The following PHF21B variants were observed in gnomAD, a reference collection of about 807,000 sequenced individuals.
PHF21B encodes PHD finger protein 21B, also known as PHD finger protein 4.
PHF21B carries 22 observed loss-of-function variants against 62.2 expected under a neutral mutation model. That is an observed-to-expected ratio of 0.35 (90% CI 0.25 to 0.51). The LOEUF (loss-of-function observed/expected upper bound fraction) is 0.51, where lower values mean the gene tolerates loss of function less well. Ranked by LOEUF, PHF21B falls within the 20% of genes least tolerant of loss-of-function variation. The pLI is 0.97. For missense variants in PHF21B, 701 were observed against 707.9 expected (o/e 0.99, Z 0.11); for synonymous variants, 341 against 314.7 (o/e 1.08, Z -0.88).
intron 2 of PHF21B, among the ~76,000 whole-genome samples, chr22:44,959,290 C>T (rs2072369495): frequency 6.6e-6 from 1 of 152,174 alleles, no homozygotes; most frequent in Admixed American, 6.5e-5. Flanking sequence ...TTTGCCCCGA[C>T]CCATCTTCTC....
intron 1 of PHF21B, 115 bp from the exon 2 acceptor site, chr22:45,008,725 G>T: frequency 8.6e-7 from 1 of 1,165,044 alleles, no homozygotes; most frequent in Non-Finnish European, 1.1e-6. Flanking sequence ...CGGCCGCAGC[G>T]CACCCCAAGT....
At position 44,922,209 on chromosome 22, in the gene PHF21B, T is replaced by C. The variant is rs553460363; in HGVS notation, c.121-1719A>G. On this transcript the variant is annotated intron_variant, in intron 2 of 12. Coordinates refer to ENST00000313237, the MANE Select transcript of PHF21B (RefSeq NM_138415.5). ...GCAGGGCTGCTTTGCCATTTGAAAG[T>C]CAGTCTGTGTAATTTGCTAAAATAA... Among the ~76,000 whole-genome samples the C allele has an allele frequency of 3.9e-5, 6 of 152,326 alleles. No homozygotes were observed. In the East Asian group the frequency reaches 1.2e-3, roughly 29 times the overall value.
At chr22:44,950,927 C>T (rs2072180730) in intron 2 of PHF21B, among the ~76,000 whole-genome samples, 1 of 152,088 alleles carries the variant, frequency 6.6e-6, no homozygotes, top group African/African-American at 2.4e-5. Context: ...GAGACACGTG[C>T]TGAGTGTGGG....
chr22:44,931,973 C>A (rs1252060804), intron 2 of PHF21B, among the ~76,000 whole-genome samples: 1 of 152,164 alleles, frequency 6.6e-6, no homozygotes, highest in Non-Finnish European at 1.5e-5. Flanking sequence ...AGGGGCTGGA[C>A]AGGAGGGACA....
intron 2 of PHF21B, among the ~76,000 whole-genome samples, chr22:44,993,143 G>A (rs1397530907): frequency 1.3e-5 from 2 of 152,172 alleles, no homozygotes; most frequent in African/African-American, 4.8e-5. Context: ...CTCAGGGTGG[G>A]GCCAGCATCT....
At chr22:44,901,910 GCCTAGATATTCT>G (rs2071166656) in intron 5 of PHF21B, 1 of 237,420 alleles carries the variant, frequency 4.2e-6, no homozygotes. Flanking sequence ...TTCACAAAAT[GCCTAGATATTCT>G]CCTACTGAAG....
At chr22:44,914,770 C>T (rs933308089) in intron 4 of PHF21B, among the ~76,000 whole-genome samples, 2 of 152,178 alleles carry the variant, frequency 1.3e-5, no homozygotes, top group Non-Finnish European at 2.9e-5. Context: ...CAGCCTGCCT[C>T]GAGGCTCAGG....
At chr22:44,972,241 T>C (rs1009005133) in intron 2 of PHF21B, among the ~76,000 whole-genome samples, 1 of 152,262 alleles carries the variant, frequency 6.6e-6, no homozygotes, top group African/African-American at 2.4e-5. Context: ...TTCCCAGACC[T>C]GATCGCTTTG....
At chr22:44,901,718 C>G in intron 5 of PHF21B, 1 of 405,038 alleles carries the variant, frequency 2.5e-6, no homozygotes, top group East Asian at 5.0e-5. Flanking sequence ...AAGCTGAAAT[C>G]CCATCCTTGT....
At chr22:44,973,786 T>C (rs753713979) in intron 2 of PHF21B, among the ~76,000 whole-genome samples, 1 of 152,016 alleles carries the variant, frequency 6.6e-6, no homozygotes, top group Non-Finnish European at 1.5e-5. Context: ...GAGAGGAAAG[T>C]GTGGCTCTTG....
intron 2 of PHF21B, among the ~76,000 whole-genome samples, chr22:44,975,823 C>G (rs1232557638): frequency 6.6e-6 from 1 of 152,228 alleles, no homozygotes; most frequent in Non-Finnish European, 1.5e-5. Flanking sequence ...GGGCGCTGGT[C>G]AGTTTTGCTT....
chr22:44,923,467 A>G (rs1211145339), intron 2 of PHF21B, among the ~76,000 whole-genome samples: 1 of 152,210 alleles, frequency 6.6e-6, no homozygotes, highest in Non-Finnish European at 1.5e-5. Flanking sequence ...AGAATCTTAG[A>G]TACAACACCA....
intron 2 of PHF21B, among the ~76,000 whole-genome samples, chr22:44,939,512 G>C (rs2071914267): frequency 6.6e-6 from 1 of 152,238 alleles, no homozygotes; most frequent in Non-Finnish European, 1.5e-5. Flanking sequence ...GGGGGCGGCA[G>C]AGGGGGCTCA....
At chr22:44,982,418 T>A (rs1287349403) in intron 2 of PHF21B, among the ~76,000 whole-genome samples, 1 of 152,104 alleles carries the variant, frequency 6.6e-6, no homozygotes, top group Non-Finnish European at 1.5e-5. Context: ...ACCAAACCCT[T>A]CCACAGATGA....
intron 2 of PHF21B, among the ~76,000 whole-genome samples, chr22:44,934,326 C>T (rs758705359): frequency 1.9e-4 from 29 of 152,240 alleles, no homozygotes; most frequent in Non-Finnish European, 2.9e-4. Flanking sequence ...CCGCACGCGA[C>T]CTAAGACAAG....
chr22:44,959,615 T>C (rs2072376776), intron 2 of PHF21B, among the ~76,000 whole-genome samples: 1 of 152,166 alleles, frequency 6.6e-6, no homozygotes, highest in South Asian at 2.1e-4. Context: ...TGGCAGGTCA[T>C]TCAAGATGCA....
At chr22:44,982,185 T>C (rs1393961667) in intron 2 of PHF21B, among the ~76,000 whole-genome samples, 1 of 152,176 alleles carries the variant, frequency 6.6e-6, no homozygotes, top group African/African-American at 2.4e-5. Flanking sequence ...TTTTTTCAGA[T>C]GAGGGGAACC....
At chr22:44,893,828 G>A (rs1021906524) in intron 6 of PHF21B, among the ~76,000 whole-genome samples, 2 of 152,230 alleles carry the variant, frequency 1.3e-5, no homozygotes, top group African/African-American at 4.8e-5. Flanking sequence ...GTCCCTATCT[G>A]GCCCATGGCC....
In PHF21B at chr22:44,916,073, A is replaced by G. The variant is rs528349741; in HGVS notation, c.564+207T>C. Among the ~76,000 whole-genome samples the G allele has an allele frequency of 5.3e-5, 8 of 152,210 alleles. No individual in the cohort carries two copies. In the South Asian group the frequency reaches 1.7e-3, roughly 32 times the overall value. ...TATTCATTCATTTGTTCATGCACTA[A>G]TTCACTCCCTTAATCATGTGTTCAT... On this transcript the variant is annotated intron_variant, in intron 4 of 12. Transcript: ENST00000313237.
Sources: allele counts gnomAD v4.1 joint callset (sites outside exome capture counted in the v4.1 genomes callset), GRCh38; gene constraint gnomAD v4.1.1; transcripts MANE v1.5; gene names NCBI Gene and HGNC (gene_info 2026-07-23, HGNC 2026-07-21).